The following MNAT1 variants were observed in gnomAD, a reference collection of about 807,000 sequenced individuals.
MNAT1 encodes the protein MNAT1 component of CDK activating kinase.
In MNAT1, 43 loss-of-function variants were observed where a neutral mutation model predicts 42.0. That is an observed-to-expected ratio of 1.02 (90% CI 0.80 to 1.32). The LOEUF (loss-of-function observed/expected upper bound fraction) is 1.32. Among genes scored for constraint, MNAT1 ranks in the 40% most tolerant of loss-of-function variants. The pLI, the probability that MNAT1 is intolerant of heterozygous loss-of-function variation, is 0.00. For missense variants in MNAT1, 306 were observed against 350.4 expected (o/e 0.87, Z 1.01); for synonymous variants, 118 against 120.0 (o/e 0.98, Z 0.11).
At chr14:60,794,554 T>C (rs2031939476) in intron 1 of MNAT1, among the ~76,000 whole-genome samples, 1 of 144,672 alleles carries the variant, frequency 6.9e-6, no homozygotes, top group South Asian at 2.2e-4. Flanking sequence ...TTATCCCAGC[T>C]ACTGAGGAGC....
At chr14:60,797,955 A>G (rs759160636) in intron 2 of MNAT1, 132 bp from the exon 3 acceptor site, 7 of 495,352 alleles carry the variant, frequency 1.4e-5, no homozygotes, top group Non-Finnish European at 2.6e-5. Context: ...AAAAATAGAG[A>G]ACGATGTTTT....
intron 1 of MNAT1, among the ~76,000 whole-genome samples, chr14:60,760,339 A>T (rs1199513811): frequency 6.6e-6 from 1 of 151,934 alleles, no homozygotes; most frequent in South Asian, 2.1e-4. Flanking sequence ...ATTTTTTTTT[A>T]AAGTGCACTG....
chr14:60,758,521 T>G (rs1044161242), intron 1 of MNAT1, among the ~76,000 whole-genome samples: 1 of 152,016 alleles, frequency 6.6e-6, no homozygotes, highest in East Asian at 1.9e-4. Flanking sequence ...CTATTTCAAC[T>G]GTCTCCTGGC....
chr14:60,767,675 A>G (rs1194836164), intron 1 of MNAT1, among the ~76,000 whole-genome samples: 1 of 152,188 alleles, frequency 6.6e-6, no homozygotes, highest in African/African-American at 2.4e-5. Flanking sequence ...ATCTTGGCTC[A>G]TCGCAACCTC....
At chr14:60,911,362 C>A (rs1464322527) in intron 7 of MNAT1, among the ~76,000 whole-genome samples, 1 of 152,098 alleles carries the variant, frequency 6.6e-6, no homozygotes, top group Non-Finnish European at 1.5e-5. Context: ...TTGCCTTCTG[C>A]TAGCTTTTGA....
At chr14:60,948,988 C>A (rs1434579723) in intron 7 of MNAT1, among the ~76,000 whole-genome samples, 13 of 152,084 alleles carry the variant, frequency 8.5e-5, no homozygotes, top group Admixed American at 8.5e-4. Context: ...ACTATAATCT[C>A]CTTACCCATG....
At chr14:60,939,482 G>A (rs998098754) in intron 7 of MNAT1, among the ~76,000 whole-genome samples, 5 of 152,042 alleles carry the variant, frequency 3.3e-5, no homozygotes, top group Admixed American at 1.3e-4. Flanking sequence ...CCTTGATTTC[G>A]TTATGTACCC....
intron 1 of MNAT1, chr14:60,780,299 A>G (rs2031411216): frequency 6.7e-7 from 1 of 1,495,212 alleles, no homozygotes. Flanking sequence ...TGAGTGTGAT[A>G]AGACTGCAAA....
chr14:60,916,540 A>G (rs2035518373), intron 7 of MNAT1, among the ~76,000 whole-genome samples: 1 of 152,220 alleles, frequency 6.6e-6, no homozygotes, highest in African/African-American at 2.4e-5. Context: ...CTGTGTTCCC[A>G]GCTACCCAGG....
chr14:60,953,053 A>G (rs1263993186), intron 7 of MNAT1, among the ~76,000 whole-genome samples: 1 of 152,086 alleles, frequency 6.6e-6, no homozygotes, highest in East Asian at 1.9e-4. Flanking sequence ...GGTCCAAGAA[A>G]TGGCCATTTA....
chr14:60,906,593 GAGA>G (rs1279103018), intron 7 of MNAT1, among the ~76,000 whole-genome samples: 1 of 152,126 alleles, frequency 6.6e-6, no homozygotes, highest in African/African-American at 2.4e-5. Flanking sequence ...GTATGAAAAA[GAGA>G]AGATTACTTC....
chr14:60,835,845 T>C (rs912273177), intron 6 of MNAT1, among the ~76,000 whole-genome samples: 2 of 152,220 alleles, frequency 1.3e-5, no homozygotes, highest in African/African-American at 4.8e-5. Context: ...CTTGGTTCCG[T>C]TCTTTCCGTC....
At chr14:60,758,785 A>G (rs13379338) in intron 1 of MNAT1, among the ~76,000 whole-genome samples, 10,612 of 152,206 alleles carry the variant, frequency 0.07, 1,229 homozygotes, top group African/African-American at 0.24. Flanking sequence ...AGGTGCAACT[A>G]GAAGTGTCGC....
chr14:60,768,028 T>G (rs1158589943), intron 1 of MNAT1, among the ~76,000 whole-genome samples: 1 of 151,902 alleles, frequency 6.6e-6, no homozygotes, highest in African/African-American at 2.4e-5. Flanking sequence ...CCTCCCAAAG[T>G]GCTGGGATTA....
chr14:60,846,691 T>C (rs962287459), intron 6 of MNAT1, among the ~76,000 whole-genome samples: 3 of 152,234 alleles, frequency 2.0e-5, no homozygotes, highest in Admixed American at 6.5e-5. Flanking sequence ...TCTAATTTAA[T>C]TCCACTTTGG....
intron 7 of MNAT1, among the ~76,000 whole-genome samples, chr14:60,954,681 C>T (rs952106032): frequency 5.9e-5 from 9 of 152,108 alleles, no homozygotes; most frequent in Non-Finnish European, 7.4e-5. Context: ...ATGTTATCTG[C>T]AAACAGAGAC....
intron 6 of MNAT1, among the ~76,000 whole-genome samples, chr14:60,844,756 G>A (rs753560582): frequency 4.6e-5 from 7 of 152,000 alleles, no homozygotes; most frequent in Non-Finnish European, 8.8e-5. Context: ...CATACTAGCT[G>A]TAGAATTTTC....
chr14:60,886,357 T>C (rs1336836883), intron 7 of MNAT1, among the ~76,000 whole-genome samples: 1 of 152,084 alleles, frequency 6.6e-6, no homozygotes, highest in Non-Finnish European at 1.5e-5. Flanking sequence ...TTTAACAATA[T>C]TCCTCTATTC....
chr14:60,904,274 A>G (rs2035143834), intron 7 of MNAT1, among the ~76,000 whole-genome samples: 1 of 152,258 alleles, frequency 6.6e-6, no homozygotes, highest in South Asian at 2.1e-4. Flanking sequence ...GCATGTGTAT[A>G]TAACATATAA....
Sources: allele counts gnomAD v4.1 joint callset (sites outside exome capture counted in the v4.1 genomes callset), GRCh38; gene constraint gnomAD v4.1.1; transcripts MANE v1.5; gene names NCBI Gene and HGNC (gene_info 2026-07-23, HGNC 2026-07-21).